FOXO3: variants seen among roughly 807,000 people sequenced by gnomAD.
FOXO3 encodes the protein forkhead box protein O3.
FOXO3 carries 4 observed loss-of-function variants against 41.9 expected under a neutral mutation model. The observed-to-expected ratio is 0.10, with a 90% CI of 0.05 to 0.22. The LOEUF (loss-of-function observed/expected upper bound fraction) is 0.22. FOXO3 is among the 10% of genes least tolerant of loss of function. FOXO3 has a pLI of 1.00. For synonymous variants in FOXO3, 318 were observed against 389.3 expected, an observed-to-expected ratio of 0.82 and a Z score of 2.16; for missense variants, 534 against 906.8, an observed-to-expected ratio of 0.59 and a Z score of 5.28.
intron 1 of FOXO3, among the ~76,000 whole-genome samples, chr6:108,574,355 A>G (rs377727362): frequency 6.6e-6 from 1 of 152,280 alleles, no homozygotes; most frequent in South Asian, 2.1e-4. Context: ...CATGGTAGGT[A>G]GAAATCTTTT....
chr6:108,591,451 C>A (rs543546703), intron 1 of FOXO3, among the ~76,000 whole-genome samples: 55 of 152,320 alleles, frequency 3.6e-4, no homozygotes, highest in Non-Finnish European at 6.2e-4. Flanking sequence ...TTACATCCTT[C>A]TGATGGTGGG....
intron 1 of FOXO3, among the ~76,000 whole-genome samples, chr6:108,595,166 A>G (rs1776843535): frequency 6.6e-6 from 1 of 152,192 alleles, no homozygotes. Flanking sequence ...TCATCAAGCT[A>G]CAGGTTGTCG....
At chr6:108,564,321 G>A (rs562247602) in intron 1 of FOXO3, among the ~76,000 whole-genome samples, 1 of 152,332 alleles carries the variant, frequency 6.6e-6, no homozygotes, top group African/African-American at 2.4e-5. Flanking sequence ...TTTAGTGGAA[G>A]AAGAGGGAAA....
chr6:108,630,711 T>C (rs1777946155), intron 1 of FOXO3, among the ~76,000 whole-genome samples: 1 of 152,180 alleles, frequency 6.6e-6, no homozygotes, highest in African/African-American at 2.4e-5. Flanking sequence ...GCATAAGTCT[T>C]ACCACTTCTC....
chr6:108,634,449 C>T (rs1243355707), intron 1 of FOXO3, among the ~76,000 whole-genome samples: 3 of 152,144 alleles, frequency 2.0e-5, no homozygotes, highest in Non-Finnish European at 4.4e-5. Context: ...GAGAAACTCA[C>T]ACTCAGACTA....
intron 1 of FOXO3, among the ~76,000 whole-genome samples, chr6:108,563,876 A>G (rs1775882482): frequency 6.6e-6 from 1 of 152,046 alleles, no homozygotes; most frequent in Non-Finnish European, 1.5e-5. Context: ...ACATTTTCAT[A>G]TAGTTTGTAG....
chr6:108,669,395 AG>A (rs1481979394), intron 2 of FOXO3, among the ~76,000 whole-genome samples: 1 of 152,236 alleles, frequency 6.6e-6, no homozygotes, highest in Non-Finnish European at 1.5e-5. Flanking sequence ...AACCAAATAC[AG>A]GTAATATAGA....
chr6:108,678,890 T>TTTTTTTTTTTTC lies in FOXO3; in HGVS notation c.*35-936_*35-935insTTTTTTTTTTCT, dbSNP rs368405598. Among the ~76,000 whole-genome samples, 23 of 115,408 alleles carry TTTTTTTTTTTTC rather than the reference T, an allele frequency of 2.0e-4. 1 individual carries two copies. Among genetic ancestry groups the TTTTTTTTTTTTC allele is most frequent in the Non-Finnish European group, 3.4e-4 (19 of 55,936 alleles). The allele number at this position is 115,408 out of a possible 152,430, so 75.7% of individuals were successfully genotyped here. ...AATTCTTTTTTTTTTTTTTTTTTTTTTGAGACGGAGTCTCGCTGTCGCTCA... is the reference window on the plus strand; with the variant it reads ...AATTCTTTTTTTTTTTTTTTTTTTTTTTTTTTTTTTTCTGAGACGGAGTCTCGCTGTCGCTCA... On this transcript the variant is annotated intron_variant, in intron 2 of 2. Transcript: ENST00000406360.
intron 1 of FOXO3, among the ~76,000 whole-genome samples, chr6:108,597,997 A>G (rs1776935211): frequency 6.6e-6 from 1 of 152,240 alleles, no homozygotes; most frequent in Non-Finnish European, 1.5e-5. Flanking sequence ...TTAAACCCAT[A>G]AATTCTAAGC....
chr6:108,669,515 C>T (rs532849448), intron 2 of FOXO3, among the ~76,000 whole-genome samples: 2 of 152,118 alleles, frequency 1.3e-5, no homozygotes, highest in Non-Finnish European at 2.9e-5. Flanking sequence ...GCTATTTGTA[C>T]CTATGACTAT....
intron 1 of FOXO3, among the ~76,000 whole-genome samples, chr6:108,580,483 G>A (rs1776384920): frequency 6.6e-6 from 1 of 152,202 alleles, no homozygotes; most frequent in African/African-American, 2.4e-5. Flanking sequence ...ACCGTGCCCA[G>A]CCTTAGCTCT....
intron 2 of FOXO3, among the ~76,000 whole-genome samples, chr6:108,678,743 T>G (rs1562270753): frequency 6.6e-6 from 1 of 151,890 alleles, no homozygotes; most frequent in African/African-American, 2.4e-5. Flanking sequence ...AAAATCAAAT[T>G]CCTAAGCCAG....
At chr6:108,660,795 A>G (rs1452136173) in intron 1 of FOXO3, among the ~76,000 whole-genome samples, 1 of 152,152 alleles carries the variant, frequency 6.6e-6, no homozygotes, top group African/African-American at 2.4e-5. Context: ...TCACGAGGTC[A>G]GGAGATCGAG....
intron 1 of FOXO3, among the ~76,000 whole-genome samples, chr6:108,586,981 T>C (rs1776598616): frequency 6.9e-6 from 1 of 144,140 alleles, no homozygotes; most frequent in Admixed American, 7.0e-5. Context: ...ATTATTATTA[T>C]TATTATTTTA....
At chr6:108,581,746 A>G (rs147236472) in intron 1 of FOXO3, among the ~76,000 whole-genome samples, 1 of 152,316 alleles carries the variant, frequency 6.6e-6, no homozygotes, top group East Asian at 1.9e-4. Context: ...TGTCAAGGTG[A>G]GAGAGGCATT....
In FOXO3 at chr6:108,664,357, C is replaced by T. The variant is rs368666241; in HGVS notation, c.1524C>T (p.Asn508=). The change falls in exon 2 of 3, where the codon AAC becomes AAT. Residue 508 remains asparagine (N), a synonymous_variant. Coordinates refer to ENST00000406360, the MANE Select transcript of FOXO3 (RefSeq NM_001455.4). ...TGTCTGCCCAGAATTCCCGCCGGAACGTGATGCTTCGCAATGATCCGATGA... is the reference window on the plus strand; with the variant it reads ...TGTCTGCCCAGAATTCCCGCCGGAATGTGATGCTTCGCAATGATCCGATGA... ...TAVSAQNSRR[N]VMLRNDPMMS... The T allele has an allele frequency of 8.6e-5, 139 of 1,613,142 alleles. 1 individual carries two copies. In the Admixed American group the frequency reaches 1.3e-3, roughly 15 times the overall value.
At position 108,668,849 on chromosome 6, in the gene FOXO3, G is replaced by A. The variant is rs576930090; in HGVS notation, c.*34+3960G>A. ...ATGTATAATTTTAAACTTGAAGACC[G>A]GGCGCAGTGGCTCACGCTTGTAATC... On this transcript the variant is annotated intron_variant, in intron 2 of 2. Transcript: ENST00000406360. 1.9e-3 allele frequency among the ~76,000 whole-genome samples: 289 copies of A among 152,218 alleles called. 2 individuals carry two copies. The highest frequency in any genetic ancestry group is 6.5e-3 in the African/African-American group (271 of 41,532).
chr6:108,616,382 C>T (rs969349945), intron 1 of FOXO3, among the ~76,000 whole-genome samples: 4 of 151,894 alleles, frequency 2.6e-5, no homozygotes, highest in Non-Finnish European at 4.4e-5. Context: ...AAGATGGTCT[C>T]GATCTCCTGA....
intron 1 of FOXO3, among the ~76,000 whole-genome samples, chr6:108,649,501 A>T (rs1461558917): frequency 1.5e-5 from 2 of 136,184 alleles, no homozygotes; most frequent in African/African-American, 2.8e-5. Context: ...TCCCTAGTTC[A>T]CCACCACCCT....
Sources: gnomAD v4.1 joint callset for allele counts (sites outside exome capture counted in the v4.1 genomes callset) on GRCh38, gnomAD v4.1.1 for gene constraint, MANE v1.5 for transcripts, NCBI Gene and HGNC (gene_info 2026-07-23, HGNC 2026-07-21) for gene names.